Variants in ABHD5 observed in about 807,000 individuals in gnomAD.
The protein encoded by ABHD5 is 1-acylglycerol-3-phosphate O-acyltransferase ABHD5.
Under a neutral mutation model 44.9 loss-of-function variants are expected in ABHD5, and 30 were observed. That is an observed-to-expected ratio of 0.67 (90% CI 0.50 to 0.91). The LOEUF is 0.91. ABHD5 is among the 40% of genes least tolerant of loss of function. The pLI is 0.00. For synonymous variants in ABHD5, 167 were observed against 147.0 expected (o/e 1.14, Z -0.99); for missense variants, 399 against 423.4 (o/e 0.94, Z 0.50).
At chr3:43,700,913 A>G (rs1184932724) in intron 2 of ABHD5, among the ~76,000 whole-genome samples, 3 of 152,132 alleles carry the variant, frequency 2.0e-5, no homozygotes, top group African/African-American at 4.8e-5. Context: ...CTTCTATTCC[A>G]TATACTTGGG....
chr3:43,698,300 T>G (rs2084498162), intron 1 of ABHD5, among the ~76,000 whole-genome samples: 1 of 152,226 alleles, frequency 6.6e-6, no homozygotes. Context: ...CTATCCCTGT[T>G]GCCAAAGCCT....
At chr3:43,715,511 A>G (rs1250789492) in intron 5 of ABHD5, among the ~76,000 whole-genome samples, 1 of 152,172 alleles carries the variant, frequency 6.6e-6, no homozygotes, top group African/African-American at 2.4e-5. Flanking sequence ...CAGTAGTTAA[A>G]TGACTGAATT....
chr3:43,714,930 A>C lies in ABHD5; in HGVS notation c.662-17A>C. 1 of 1,575,922 alleles carries C rather than the reference A, an allele frequency of 6.3e-7. No homozygotes were observed. Among genetic ancestry groups the C allele is most frequent in the Non-Finnish European group, 8.7e-7 (1 of 1,145,774 alleles). On this transcript the variant is annotated splice_polypyrimidine_tract_variant and intron_variant, in intron 4 of 6. Transcript: ENST00000644371. ...TATAATTTAAAACATGCATTTTTTA[A>C]ATTTCCTGTTAAATAGGTTTAAGTC...
At chr3:43,700,358 T>C (rs987783053) in intron 2 of ABHD5, among the ~76,000 whole-genome samples, 3 of 152,106 alleles carry the variant, frequency 2.0e-5, no homozygotes, top group African/African-American at 7.2e-5. Flanking sequence ...TGGTACTTAT[T>C]GTGCAATTTT....
chr3:43,726,879 C>T (rs990457960), downstream of ABHD5, among the ~76,000 whole-genome samples: 3 of 152,130 alleles, frequency 2.0e-5, no homozygotes, highest in South Asian at 2.1e-4. Flanking sequence ...ATGTCTGACA[C>T]GGGAGTGTTC....
intron 1 of ABHD5, among the ~76,000 whole-genome samples, chr3:43,696,697 T>A (rs1177497871): frequency 1.4e-4 from 21 of 152,196 alleles, no homozygotes. Context: ...TGAAGCCTAT[T>A]ATGTATATAA....
chr3:43,732,996 A>G (rs1697262338), intron 7 of ABHD5, among the ~76,000 whole-genome samples: 2 of 152,228 alleles, frequency 1.3e-5, no homozygotes, highest in South Asian at 2.1e-4. Flanking sequence ...GAACCTCCTC[A>G]ACATGGCCAC....
Position 43,732,885 on chromosome 3 carries a change from T to C in ABHD5, c.*30-995T>C, listed in dbSNP as rs573538578. On this transcript the variant is annotated intron_variant, in intron 7 of 7. Coordinates refer to the ABHD5 transcript ENST00000454293. ...GTGAGGAAGGACATGCTTTCCAAGC[T>C]CATGTGGTTGTTGGGATTTGGTTCC... 1.1e-3 allele frequency among the ~76,000 whole-genome samples: 161 copies of C among 152,236 alleles called. 2 individuals are homozygous for C. In the South Asian group the frequency reaches 0.019, roughly 18 times the overall value.
intron 3 of ABHD5, among the ~76,000 whole-genome samples, chr3:43,710,801 G>A (rs1257878326): frequency 6.6e-6 from 1 of 152,102 alleles, no homozygotes; most frequent in Non-Finnish European, 1.5e-5. Context: ...TGGCTGGCTT[G>A]GTTACAGTTG....
rs1360884729 is a variant in ABHD5, at chr3:43,722,450, T to G, written c.*3918T>G. On this transcript the variant is annotated 3_prime_UTR_variant, in exon 7 of 7. Transcript: ENST00000644371. ...TATACCAATAACTAATAAAATGATC[T>G]CCTTGTTAGTGGTGGTAGGGAGCTA... 6.6e-6 allele frequency: 1 copy of G among 152,194 alleles called. No individual in the cohort carries two copies. Among genetic ancestry groups the G allele is most frequent in the African/African-American group, 2.4e-5 (1 of 41,442 alleles). The allele number at this position is 152,194 out of a possible 1,614,324, so 9.4% of individuals were successfully genotyped here.
chr3:43,717,565 TAG>T, intron 5 of ABHD5, 104 bp from the exon 6 acceptor site: 2 of 1,171,936 alleles, frequency 1.7e-6, no homozygotes, highest in Non-Finnish European at 2.5e-6. Context: ...AGGTTTTTCT[TAG>T]GTGCTGGAAA....
intron 3 of ABHD5, among the ~76,000 whole-genome samples, chr3:43,710,658 G>T (rs1301044217): frequency 2.0e-5 from 3 of 152,208 alleles, no homozygotes; most frequent in Non-Finnish European, 4.4e-5. Flanking sequence ...TAATAGAATA[G>T]ATTTTATATG....
At chr3:43,691,063 TC>T in intron 1 of ABHD5, 24 bp downstream of exon 1, 3 of 1,531,234 alleles carry the variant, frequency 2.0e-6, no homozygotes, top group Non-Finnish European at 2.6e-6. Context: ...GCAGGGGGCT[TC>T]GTGTGTCTCC....
At chr3:43,728,802 G>A (rs1207989004) in intron 7 of ABHD5, among the ~76,000 whole-genome samples, 2 of 152,186 alleles carry the variant, frequency 1.3e-5, no homozygotes, top group African/African-American at 4.8e-5. Flanking sequence ...AGGCCTGAGC[G>A]CCTAGAGTGG....
Position 43,719,815 on chromosome 3 carries a change from G to A in ABHD5, c.*1283G>A, listed in dbSNP as rs1275766813. The A allele has an allele frequency of 1.2e-4, 18 of 152,138 alleles. No individual in the cohort carries two copies. The highest frequency in any genetic ancestry group is 1.2e-3 in the Admixed American group (18 of 15,274). The allele number at this position is 152,138 out of a possible 1,614,324, so 9.4% of individuals were successfully genotyped here. A position where few individuals can be genotyped will look rare whatever the true frequency, so the allele number is the denominator to read the frequency against. ...GATTGTCATCAAGAAGGCATCTTTC[G>A]CTAACGTTGCTTGTCTAGGAGAAAG... On this transcript the variant is annotated 3_prime_UTR_variant, in exon 7 of 7. Coordinates refer to ENST00000644371, the MANE Select transcript of ABHD5 (RefSeq NM_016006.6).
chr3:43,717,712 G>A lies in ABHD5; in HGVS notation c.815G>A (p.Trp272Ter). The A allele has an allele frequency of 6.2e-7, 1 of 1,614,152 alleles. No individual in the cohort carries two copies. Among genetic ancestry groups the A allele is most frequent in the Non-Finnish European group, 8.5e-7 (1 of 1,180,026 alleles). Residue 272 changes from tryptophan (W) to a stop codon, truncating the protein, a stop_gained, in exon 6 of 7, where the codon TGG (tryptophan) becomes TAG (stop). Coordinates refer to ENST00000644371, the MANE Select transcript of ABHD5 (RefSeq NM_016006.6). LOFTEE classifies it high-confidence loss of function. ...AFKNMTIPYG[W>*]AKRPMLQRIG... The stretch of plus-strand genomic sequence containing the variant: ...AAGAATATGACTATTCCTTATGGAT[G>A]GGCAAAAAGGCCAATGCTCCAGCGA...
chr3:43,710,670 A>G (rs1279807408), intron 3 of ABHD5, among the ~76,000 whole-genome samples: 3 of 152,238 alleles, frequency 2.0e-5, no homozygotes, highest in Non-Finnish European at 4.4e-5. Flanking sequence ...TTTTATATGA[A>G]GAATAATACC....
chr3:43,707,864 A>G (rs2084641329), intron 3 of ABHD5: 1 of 152,284 alleles, frequency 6.6e-6, no homozygotes, highest in Non-Finnish European at 1.5e-5. Flanking sequence ...CTCTTGCCTC[A>G]AGTGATCCAC....
At chr3:43,714,092 TGCCCTGG>T (rs2084725672) in intron 4 of ABHD5, among the ~76,000 whole-genome samples, 1 of 151,982 alleles carries the variant, frequency 6.6e-6, no homozygotes, top group Non-Finnish European at 1.5e-5. Context: ...TTGTGGGCCT[TGCCCTGG>T]GCTTTTTCTT....
Sources: gnomAD v4.1 joint callset for allele counts (sites outside exome capture counted in the v4.1 genomes callset) on GRCh38, gnomAD v4.1.1 for gene constraint, MANE v1.5 for transcripts, NCBI Gene and HGNC (gene_info 2026-07-23, HGNC 2026-07-21) for gene names.